Variants in TM4SF20 observed in about 807,000 individuals in gnomAD.
TM4SF20 encodes the protein transmembrane 4 L six family member 20, also known as transmembrane 4 L6 family member 20.
Under a neutral mutation model 15.1 loss-of-function variants are expected in TM4SF20, and 13 were observed. The observed-to-expected ratio is 0.86, with a 90% CI of 0.56 to 1.36. The LOEUF is 1.36. Among genes scored for constraint, TM4SF20 ranks in the 40% most tolerant of loss-of-function variants. The pLI is 0.00. For synonymous variants in TM4SF20, 92 were observed against 96.6 expected (o/e 0.95, Z 0.28); for missense variants, 282 against 268.4 (o/e 1.05, Z -0.35).
intron 1 of TM4SF20, among the ~76,000 whole-genome samples, chr2:227,376,503 G>A (rs1179562410): frequency 6.6e-6 from 1 of 152,080 alleles, no homozygotes; most frequent in African/African-American, 2.4e-5. Context: ...AGTTCATATT[G>A]GACTTTTCAA....
chr2:227,368,540 AT>A, intron 2 of TM4SF20, among the ~76,000 whole-genome samples: 1 of 150,622 alleles, frequency 6.6e-6, no homozygotes, highest in Non-Finnish European at 1.5e-5. Context: ...TATTTTTTGT[AT>A]TTTTAGTAGA....
At position 227,370,986 on chromosome 2, in the gene TM4SF20, A is replaced by G; in HGVS notation, c.184-6T>C. Reference sequence around the variant, plus strand: ...ATTGTTGTTGCTGGAATGGCCTGGAAATGACATCAACAGGAAAGATGAGTA... The same window carrying G: ...ATTGTTGTTGCTGGAATGGCCTGGAGATGACATCAACAGGAAAGATGAGTA... On this transcript the variant is annotated splice_polypyrimidine_tract_variant and splice_region_variant and intron_variant, in intron 1 of 3. Transcript: ENST00000304568. 1 of 1,613,186 alleles carries G rather than the reference A, an allele frequency of 6.2e-7. No homozygotes were observed. Among genetic ancestry groups the G allele is most frequent in the Non-Finnish European group, 8.5e-7 (1 of 1,179,158 alleles).
intron 3 of TM4SF20, among the ~76,000 whole-genome samples, chr2:227,364,420 G>A (rs192792977): frequency 1.4e-5 from 2 of 143,334 alleles, no homozygotes; most frequent in East Asian, 4.1e-4. Context: ...TCAGTTCTTA[G>A]TGCAGAACTA....
Position 227,366,249 on chromosome 2 carries a change from A to C in TM4SF20, c.250-5T>G. On this transcript the variant is annotated splice_polypyrimidine_tract_variant and splice_region_variant and intron_variant, in intron 2 of 3. Transcript: ENST00000304568. ...GAAAAGTGATGAAAGAAACATCTGA[A>C]AAATAAAATAGAGCCATTTGCACAT... 6.2e-7 allele frequency: 1 copy of C among 1,609,738 alleles called. No individual in the cohort carries two copies. Among genetic ancestry groups the C allele is most frequent in the Non-Finnish European group, 8.5e-7 (1 of 1,178,676 alleles).
Position 227,366,156 on chromosome 2 carries a change from G to A in TM4SF20, c.338C>T (p.Pro113Leu), listed in dbSNP as rs762706850. The A allele has an allele frequency of 2.5e-6, 4 of 1,614,060 alleles. No individual in the cohort carries two copies. In the South Asian group the frequency reaches 3.3e-5, roughly 13 times the overall value. ...GTTGCTTGGAGAATTACACATGAGA[G>A]GACCTTTTAAGAGAGCCTGGATGGA... is the stretch of plus-strand genomic sequence containing the variant. ...LISIQALLKG[P>L]LMCNSPSNSN... Residue 113 changes from proline to leucine, a missense_variant, in exon 3 of 4, where the codon CCT becomes CTT. By Grantham distance (98) the Pro-to-Leu change is moderately conservative. Coordinates refer to ENST00000304568, the MANE Select transcript of TM4SF20 (RefSeq NM_024795.4).
At chr2:227,375,184 C>T (rs2076441490) in intron 1 of TM4SF20, among the ~76,000 whole-genome samples, 1 of 152,032 alleles carries the variant, frequency 6.6e-6, no homozygotes, top group African/African-American at 2.4e-5. Context: ...ACCTCAGCCT[C>T]TCAAGATGCT....
At chr2:227,370,308 G>A (rs796535402) in intron 2 of TM4SF20, among the ~76,000 whole-genome samples, 4 of 152,190 alleles carry the variant, frequency 2.6e-5, no homozygotes, top group African/African-American at 9.6e-5. Flanking sequence ...TTGCAGCTGT[G>A]GGCGTGACTT....
upstream of TM4SF20, among the ~76,000 whole-genome samples, chr2:227,380,015 A>C (rs943546063): frequency 5.3e-5 from 8 of 152,250 alleles, no homozygotes; most frequent in African/African-American, 1.9e-4. Flanking sequence ...AAAGACTATC[A>C]GTTGGCATAA....
chr2:227,372,921 A>G (rs1279929335), intron 1 of TM4SF20, among the ~76,000 whole-genome samples: 1 of 151,984 alleles, frequency 6.6e-6, no homozygotes, highest in African/African-American at 2.4e-5. Context: ...GGATTTTGCC[A>G]TGTTGCCCAG....
In TM4SF20 at chr2:227,362,397, A is replaced by G. The variant is rs1196290474; in HGVS notation, c.*1327T>C. On this transcript the variant is annotated 3_prime_UTR_variant, in exon 4 of 4. Coordinates refer to ENST00000304568, the MANE Select transcript of TM4SF20 (RefSeq NM_024795.4). ...CTCCCCGTTGCTTTTGGTTGAAGTA[A>G]TTTTAAAACATATAAATATGCATTT... 6.6e-6 allele frequency: 1 copy of G among 152,208 alleles called. No homozygotes were observed. Among genetic ancestry groups the G allele is most frequent in the Non-Finnish European group, 1.5e-5 (1 of 68,038 alleles). 9.4% of individuals were successfully genotyped at this position (152,208 alleles called of 1,614,324 possible).
intron 2 of TM4SF20, among the ~76,000 whole-genome samples, chr2:227,368,102 C>T (rs1435022792): frequency 3.5e-5 from 5 of 144,806 alleles, no homozygotes; most frequent in African/African-American, 1.3e-4. Flanking sequence ...CGGCTCACTG[C>T]AAGCTCCGCC....
rs549898217 is a variant in TM4SF20, at chr2:227,362,618, A to G, written c.*1106T>C. On this transcript the variant is annotated 3_prime_UTR_variant, in exon 4 of 4. Coordinates refer to ENST00000304568, the MANE Select transcript of TM4SF20 (RefSeq NM_024795.4). ...AAAATTGTGTTTCATGCACAAAGTT[A>G]TTTAAAATATTGTGTGAAATTACCT... 1 of 152,348 alleles carries G rather than the reference A, an allele frequency of 6.6e-6. No homozygotes were observed. The highest frequency in any genetic ancestry group is 1.5e-5 in the Non-Finnish European group (1 of 68,036). The allele number at this position is 152,348 out of a possible 1,614,324, so 9.4% of individuals were successfully genotyped here. A position where few individuals can be genotyped will look rare whatever the true frequency, so the allele number is the denominator to read the frequency against.
chr2:227,378,040 A>G (rs1030975944), intron 1 of TM4SF20, among the ~76,000 whole-genome samples: 2 of 151,702 alleles, frequency 1.3e-5, no homozygotes, highest in Non-Finnish European at 2.9e-5. Flanking sequence ...AAACACTGAT[A>G]ATATCAGTCC....
intron 1 of TM4SF20, among the ~76,000 whole-genome samples, chr2:227,372,374 G>A (rs527964736): frequency 3.9e-5 from 6 of 152,094 alleles, no homozygotes; most frequent in Non-Finnish European, 4.4e-5. Flanking sequence ...GGCTGGGCGC[G>A]GTGGCTCATG....
rs142504453 is a variant in TM4SF20 at position 227,367,472 on chromosome 2, G to A, written c.250-1228C>T. Among the ~76,000 whole-genome samples the A allele has an allele frequency of 9.0e-3, 1,364 of 152,042 alleles. 19 individuals are homozygous for A. Among genetic ancestry groups the A allele is most frequent in the African/African-American group, 0.032 (1,310 of 41,438 alleles). Reference sequence around the variant, plus strand: ...GTAGATTGCTTGAGCCCAGGAGTTCGAGACTAGCCTGGGCAACGTAGTAAG... The same window carrying A: ...GTAGATTGCTTGAGCCCAGGAGTTCAAGACTAGCCTGGGCAACGTAGTAAG... On this transcript the variant is annotated intron_variant, in intron 2 of 3. Coordinates refer to ENST00000304568, the MANE Select transcript of TM4SF20 (RefSeq NM_024795.4).
intron 1 of TM4SF20, among the ~76,000 whole-genome samples, chr2:227,377,477 A>G (rs750584242): frequency 7.9e-5 from 12 of 152,216 alleles, no homozygotes; most frequent in Non-Finnish European, 1.3e-4. Context: ...CTTTAATTAG[A>G]TCTTTCTACC....
chr2:227,370,770 T>G (rs1368397848), intron 2 of TM4SF20, 145 bp downstream of exon 2: 1 of 700,918 alleles, frequency 1.4e-6, no homozygotes, highest in Non-Finnish European at 2.5e-6. Flanking sequence ...AATAAATAAA[T>G]AAAAATAGCA....
At chr2:227,372,230 A>C (rs1005668795) in intron 1 of TM4SF20, among the ~76,000 whole-genome samples, 1 of 152,126 alleles carries the variant, frequency 6.6e-6, no homozygotes, top group Non-Finnish European at 1.5e-5. Flanking sequence ...CCATCCTCAT[A>C]ATAATCCTAT....
Position 227,363,734 on chromosome 2 carries a change from T to C in TM4SF20, c.680A>G (p.Gln227Arg), listed in dbSNP as rs2076375111. 8 of 1,612,614 alleles carry C rather than the reference T, an allele frequency of 5.0e-6. No individual in the cohort carries two copies. In the East Asian group the frequency reaches 1.6e-4, roughly 31 times the overall value. Reference protein sequence around the residue: ...CLCGVSKRRSQIV With the variant: ...CLCGVSKRRSRIV ...TTTATTCCCATTAAACTACACAATT[T>C]GACTTCTTCGCTTAGAGACTCCACA... is the stretch of plus-strand genomic sequence containing the variant. The change falls in exon 4 of 4, where the codon CAA becomes CGA. Residue 227 changes from glutamine to arginine, a missense_variant. By Grantham distance (43) the Gln-to-Arg change is conservative. Transcript: ENST00000304568.
Sources: gnomAD v4.1 joint callset for allele counts (sites outside exome capture counted in the v4.1 genomes callset) on GRCh38, gnomAD v4.1.1 for gene constraint, MANE v1.5 for transcripts, NCBI Gene and HGNC (gene_info 2026-07-23, HGNC 2026-07-21) for gene names.